The following GABRB1 variants were observed in gnomAD, a reference collection of about 807,000 sequenced individuals.
The protein encoded by GABRB1 is gamma-aminobutyric acid receptor subunit beta-1.
Under a neutral mutation model 51.6 loss-of-function variants are expected in GABRB1, and 17 were observed. The ratio of observed to expected loss-of-function variants is 0.33; its 90% CI spans 0.23 to 0.49. The LOEUF is 0.49. Ranked by LOEUF, GABRB1 falls within the 20% of genes least tolerant of loss-of-function variation. GABRB1 has a pLI of 0.99. For missense variants in GABRB1, 410 were observed against 600.6 expected, an observed-to-expected ratio of 0.68 and a Z score of 3.32; for synonymous variants, 247 against 218.9, an observed-to-expected ratio of 1.13 and a Z score of -1.14.
chr4:47,120,879 T>C (rs1269834846), intron 3 of GABRB1, among the ~76,000 whole-genome samples: 1 of 151,996 alleles, frequency 6.6e-6, no homozygotes, highest in Non-Finnish European at 1.5e-5. Context: ...TCCCCTCTCC[T>C]CTTCTGAAGC....
intron 4 of GABRB1, among the ~76,000 whole-genome samples, chr4:47,219,152 T>C (rs1720666973): frequency 6.6e-6 from 1 of 151,850 alleles, no homozygotes; most frequent in Admixed American, 6.6e-5. Context: ...TGAAATCAAA[T>C]ATGGAAATGT....
intron 7 of GABRB1, among the ~76,000 whole-genome samples, 174 bp downstream of exon 7, chr4:47,403,885 A>G (rs1448680633): frequency 6.6e-6 from 1 of 152,220 alleles, no homozygotes; most frequent in East Asian, 1.9e-4. Flanking sequence ...AATATTCTAC[A>G]ATGTACTGTC....
chr4:46,999,796 G>C (rs551352156), intron 1 of GABRB1, among the ~76,000 whole-genome samples: 2 of 152,168 alleles, frequency 1.3e-5, no homozygotes, highest in African/African-American at 4.8e-5. Flanking sequence ...ACTTTGCAGA[G>C]AACAGACATG....
At chr4:47,154,973 G>T (rs1483743891) in intron 3 of GABRB1, among the ~76,000 whole-genome samples, 2 of 152,036 alleles carry the variant, frequency 1.3e-5, no homozygotes, top group African/African-American at 4.8e-5. Flanking sequence ...TCCTGCCTCA[G>T]ATCCTTTGTC....
At chr4:47,334,368 C>G (rs1476699232) in intron 5 of GABRB1, among the ~76,000 whole-genome samples, 1 of 152,168 alleles carries the variant, frequency 6.6e-6, no homozygotes, top group Non-Finnish European at 1.5e-5. Flanking sequence ...TTTTTTCACA[C>G]TGTTTGCTCA....
At chr4:46,995,802 C>T (rs752261385) in intron 1 of GABRB1, among the ~76,000 whole-genome samples, 1 of 152,146 alleles carries the variant, frequency 6.6e-6, no homozygotes, top group East Asian at 1.9e-4. Flanking sequence ...AGTTACATAT[C>T]GTATCTTTAA....
intron 3 of GABRB1, among the ~76,000 whole-genome samples, chr4:47,119,052 T>C (rs190888086): frequency 4.3e-4 from 65 of 152,256 alleles, no homozygotes; most frequent in African/African-American, 1.5e-3. Context: ...TGAAACTTAT[T>C]TAAAACACTG....
At chr4:47,001,116 T>A (rs13116518) in intron 1 of GABRB1, among the ~76,000 whole-genome samples, 1 of 151,950 alleles carries the variant, frequency 6.6e-6, no homozygotes, top group Non-Finnish European at 1.5e-5. Context: ...GGTAAGATAT[T>A]ATTTTAATTT....
chr4:47,190,004 A>G (rs529018363), intron 4 of GABRB1, among the ~76,000 whole-genome samples: 19 of 152,018 alleles, frequency 1.2e-4, no homozygotes, highest in Non-Finnish European at 2.4e-4. Flanking sequence ...TTCCAGAAAG[A>G]TTTGGAAACT....
At chr4:47,038,404 A>T (rs1262574456) in intron 3 of GABRB1, among the ~76,000 whole-genome samples, 1 of 152,210 alleles carries the variant, frequency 6.6e-6, no homozygotes, top group Non-Finnish European at 1.5e-5. Flanking sequence ...TTTATATTGT[A>T]TTGAACATTA....
chr4:47,325,434 CA>C (rs5858063), intron 5 of GABRB1, among the ~76,000 whole-genome samples: 47 of 142,036 alleles, frequency 3.3e-4, no homozygotes, highest in African/African-American at 5.2e-4. Flanking sequence ...GACTCCATCT[CA>C]AAAAAAAAAA....
intron 3 of GABRB1, among the ~76,000 whole-genome samples, chr4:47,063,349 T>C (rs1726924706): frequency 6.6e-6 from 1 of 152,208 alleles, no homozygotes. Flanking sequence ...ACAGCAAATT[T>C]ATAAATTTAA....
intron 4 of GABRB1, among the ~76,000 whole-genome samples, chr4:47,312,666 T>C (rs1042092785): frequency 2.0e-5 from 3 of 152,208 alleles, no homozygotes; most frequent in Non-Finnish European, 4.4e-5. Flanking sequence ...TTCACATTTT[T>C]CTTTCATACA....
At chr4:47,176,629 G>A (rs1207608259) in intron 4 of GABRB1, among the ~76,000 whole-genome samples, 1 of 152,060 alleles carries the variant, frequency 6.6e-6, no homozygotes, top group African/African-American at 2.4e-5. Context: ...GTATATAATG[G>A]CCTTGGTGAC....
At position 47,426,069 on chromosome 4, in the gene GABRB1, T is replaced by C. The variant is rs750877808; in HGVS notation, c.*51T>C. The C allele has an allele frequency of 3.5e-6, 5 of 1,428,956 alleles. No homozygotes were observed. The highest frequency in any genetic ancestry group is 3.8e-6 in the Non-Finnish European group (4 of 1,058,282). 88.5% of individuals were successfully genotyped at this position (1,428,956 alleles called of 1,614,324 possible). A position where few individuals can be genotyped will look rare whatever the true frequency, so the allele number is the denominator to read the frequency against. On this transcript the variant is annotated 3_prime_UTR_variant, in exon 9 of 9. Coordinates refer to ENST00000295454, the MANE Select transcript of GABRB1 (RefSeq NM_000812.4). ...ACTACTTTCCTCTTCTATTGTTTTT[T>C]AACCTTACAGGTCCCCAACAGCGAT...
At chr4:47,110,278 TAA>T in intron 3 of GABRB1, among the ~76,000 whole-genome samples, 1 of 151,292 alleles carries the variant, frequency 6.6e-6, no homozygotes, top group African/African-American at 2.4e-5. Context: ...TTAAGAAGAT[TAA>T]AAAAAAATAC....
At chr4:47,294,562 C>T (rs1051912011) in intron 4 of GABRB1, among the ~76,000 whole-genome samples, 32 of 152,336 alleles carry the variant, frequency 2.1e-4, no homozygotes, top group Admixed American at 1.2e-3. Context: ...GAGGGGCGCC[C>T]GCCATTGCCC....
chr4:47,178,377 T>C (rs191110036), intron 4 of GABRB1, among the ~76,000 whole-genome samples: 24 of 152,242 alleles, frequency 1.6e-4, no homozygotes, highest in Admixed American at 1.6e-3. Context: ...TATAGAATCC[T>C]TTGCATTACC....
chr4:47,055,742 A>G (rs10015366), intron 3 of GABRB1, among the ~76,000 whole-genome samples: 121,068 of 152,072 alleles, frequency 0.8, 48,362 homozygotes, highest in Middle Eastern at 0.86. Context: ...CTACTCTCTC[A>G]TGTTTAGACT....
Sources: allele counts gnomAD v4.1 joint callset (sites outside exome capture counted in the v4.1 genomes callset), GRCh38; gene constraint gnomAD v4.1.1; transcripts MANE v1.5; gene names NCBI Gene and HGNC (gene_info 2026-07-23, HGNC 2026-07-21).